Variants in OPCML observed in about 807,000 individuals in gnomAD.
The protein encoded by OPCML is opioid binding protein/cell adhesion molecule like, also known as opioid-binding protein/cell adhesion molecule.
In OPCML, 13 loss-of-function variants were observed where a neutral mutation model predicts 37.8. The observed-to-expected ratio is 0.34, with a 90% confidence interval of 0.22 to 0.55. The LOEUF (loss-of-function observed/expected upper bound fraction) is 0.55. Among genes scored for constraint, OPCML ranks in the 20% least tolerant of loss-of-function variants. The pLI is 0.91. For synonymous variants in OPCML, 176 were observed against 168.8 expected, an observed-to-expected ratio of 1.04 and a Z score of -0.33; for missense variants, 341 against 435.6, an observed-to-expected ratio of 0.78 and a Z score of 1.93.
intron 2 of OPCML, among the ~76,000 whole-genome samples, chr11:132,719,745 T>C (rs1944615140): frequency 6.6e-6 from 1 of 152,210 alleles, no homozygotes; most frequent in South Asian, 2.1e-4. Flanking sequence ...GAAATGTGTG[T>C]CTTCTCCTAA....
At chr11:132,936,596 C>T (rs1945382869) in intron 2 of OPCML, among the ~76,000 whole-genome samples, 1 of 152,138 alleles carries the variant, frequency 6.6e-6, no homozygotes, top group South Asian at 2.1e-4. Flanking sequence ...CAGTATTATC[C>T]TGTAGTGGCG....
chr11:133,068,772 A>G (rs893489055), intron 1 of OPCML, among the ~76,000 whole-genome samples: 2 of 152,122 alleles, frequency 1.3e-5, no homozygotes, highest in African/African-American at 2.4e-5. Context: ...TTGACATCTT[A>G]TTTGGTTGGG....
chr11:132,887,488 C>T (rs769550579), intron 2 of OPCML, among the ~76,000 whole-genome samples: 2 of 152,154 alleles, frequency 1.3e-5, no homozygotes, highest in Non-Finnish European at 2.9e-5. Context: ...GCACTCACCC[C>T]GAAGATGGGG....
At chr11:132,596,012 T>C (rs2096491912) in intron 3 of OPCML, among the ~76,000 whole-genome samples, 1 of 152,166 alleles carries the variant, frequency 6.6e-6, no homozygotes, top group Admixed American at 6.5e-5. Context: ...GAAGTAGCTT[T>C]GGAATCAGTT....
chr11:132,527,132 C>G (rs2096310539), intron 4 of OPCML, among the ~76,000 whole-genome samples: 1 of 152,018 alleles, frequency 6.6e-6, no homozygotes, highest in Non-Finnish European at 1.5e-5. Flanking sequence ...ATTTGCCTGT[C>G]AATGGTTATT....
intron 2 of OPCML, among the ~76,000 whole-genome samples, chr11:132,731,889 AAGT>A (rs1945089427): frequency 6.6e-6 from 1 of 152,186 alleles, no homozygotes; most frequent in Non-Finnish European, 1.5e-5. Flanking sequence ...ATAGAGGTAG[AAGT>A]AGTAGGATAT....
chr11:132,765,793 GA>G (rs1457935249), intron 2 of OPCML, among the ~76,000 whole-genome samples: 1 of 152,162 alleles, frequency 6.6e-6, no homozygotes, highest in Non-Finnish European at 1.5e-5. Context: ...TAGCAGTATT[GA>G]AAACAGCTAG....
chr11:132,529,865 T>C (rs1406182423), intron 3 of OPCML, among the ~76,000 whole-genome samples: 2 of 152,176 alleles, frequency 1.3e-5, no homozygotes, highest in Admixed American at 6.6e-5. Flanking sequence ...AACCATGAGA[T>C]TGTACTCCAA....
chr11:132,669,176 T>TG (rs1254190070), intron 2 of OPCML, among the ~76,000 whole-genome samples: 26 of 152,196 alleles, frequency 1.7e-4, no homozygotes, highest in African/African-American at 5.1e-4. Context: ...TGTCCTTTTC[T>TG]TGGACAGCGT....
chr11:132,526,620 T>C (rs1029824046), intron 4 of OPCML, among the ~76,000 whole-genome samples: 2 of 152,164 alleles, frequency 1.3e-5, no homozygotes, highest in Non-Finnish European at 2.9e-5. Context: ...GATTGAATGA[T>C]GCTCCTGGTA....
chr11:133,458,154 ATATATATATACATATACATATATGTG>A (rs1407846974), intron 1 of OPCML, among the ~76,000 whole-genome samples: 4 of 108,608 alleles, frequency 3.7e-5, no homozygotes, highest in Admixed American at 1.1e-4. Flanking sequence ...TTGAGAAAAA[ATATATATATACATATACATATATGTG>A]TATATATACA....
intron 3 of OPCML, among the ~76,000 whole-genome samples, chr11:132,635,272 AT>A (rs1940417955): frequency 6.6e-6 from 1 of 152,182 alleles, no homozygotes; most frequent in African/African-American, 2.4e-5. Flanking sequence ...CCATTGCAAA[AT>A]AAAAATTGGT....
At chr11:132,587,691 G>T (rs1389929490) in intron 3 of OPCML, among the ~76,000 whole-genome samples, 2 of 152,162 alleles carry the variant, frequency 1.3e-5, no homozygotes, top group Non-Finnish European at 2.9e-5. Context: ...TGAACATAGG[G>T]CCATGAGAAT....
At chr11:132,648,095 C>T (rs1184771147) in intron 3 of OPCML, among the ~76,000 whole-genome samples, 1 of 152,180 alleles carries the variant, frequency 6.6e-6, no homozygotes, top group Non-Finnish European at 1.5e-5. Flanking sequence ...TGTAGAAAGA[C>T]ATCACTATTC....
intron 1 of OPCML, among the ~76,000 whole-genome samples, chr11:133,080,149 T>C (rs980541191): frequency 6.6e-6 from 1 of 152,124 alleles, no homozygotes; most frequent in African/African-American, 2.4e-5. Context: ...CCACAAGAGC[T>C]ACAGCAACCC....
intron 1 of OPCML, among the ~76,000 whole-genome samples, chr11:133,098,282 C>G (rs936839247): frequency 3.6e-4 from 53 of 146,658 alleles, no homozygotes; most frequent in African/African-American, 1.3e-3. Flanking sequence ...GTGGCACGAT[C>G]TTGGCTCACT....
rs147363753 is a variant in OPCML, at chr11:133,097,608, G to A, written c.62-154598C>T. Among the ~76,000 whole-genome samples, 293 of 152,060 alleles carry A rather than the reference G, an allele frequency of 1.9e-3. 2 individuals carry two copies. Among genetic ancestry groups the A allele is most frequent in the African/African-American group, 6.5e-3 (269 of 41,494 alleles). On this transcript the variant is annotated intron_variant, in intron 1 of 7. Coordinates refer to ENST00000524381, the MANE Select transcript of OPCML (RefSeq NM_001012393.5). ...GGTTCTACGAAAAGATCAATAAAAC[G>A]AATAAGCCTCTAGCCAGAATAATTA...
intron 1 of OPCML, among the ~76,000 whole-genome samples, chr11:133,097,523 C>G (rs184023784): frequency 2.6e-4 from 39 of 151,834 alleles, no homozygotes; most frequent in African/African-American, 9.0e-4. Context: ...ACAATTAGAA[C>G]AAACGTCAAT....
At chr11:132,917,024 C>T (rs1040604275) in intron 2 of OPCML, among the ~76,000 whole-genome samples, 1 of 152,130 alleles carries the variant, frequency 6.6e-6, no homozygotes, top group African/African-American at 2.4e-5. Context: ...GATGAGTCCC[C>T]CAGAGCCTAG....
Sources: allele counts gnomAD v4.1 joint callset (sites outside exome capture counted in the v4.1 genomes callset), GRCh38; gene constraint gnomAD v4.1.1; transcripts MANE v1.5; gene names NCBI Gene and HGNC (gene_info 2026-07-23, HGNC 2026-07-21).